MICAL3: variants seen among roughly 807,000 people sequenced by gnomAD.
MICAL3 encodes microtubule associated monooxygenase, calponin and LIM domain containing 3.
Under a neutral mutation model 207.4 loss-of-function variants are expected in MICAL3, and 62 were observed. The ratio of observed to expected loss-of-function variants is 0.30; its 90% CI spans 0.24 to 0.37. MICAL3 has a LOEUF of 0.37. MICAL3 is among the 10% of genes least tolerant of loss of function. The probability of loss-of-function intolerance (pLI) is 1.00; values close to 1 mark genes in which losing one functional copy is unlikely to be tolerated. For missense variants in MICAL3, 2,368 were observed against 2,635.6 expected (o/e 0.90, Z 2.22); for synonymous variants, 1,077 against 1,069.3 (o/e 1.01, Z -0.14).
At chr22:17,884,437 G>A (rs1844959797) in intron 16 of MICAL3, 2 of 1,038,452 alleles carry the variant, frequency 1.9e-6, no homozygotes, top group East Asian at 5.9e-5. Context: ...GGTGGGAGAA[G>A]AACAGAAAGA....
At position 17,916,307 on chromosome 22, in the gene MICAL3, C is replaced by A. The variant is rs73388423; in HGVS notation, c.-74-9421G>T. Among the ~76,000 whole-genome samples the A allele has an allele frequency of 8.2e-3, 1,253 of 152,186 alleles. 15 individuals are homozygous for A. Among genetic ancestry groups the A allele is most frequent in the African/African-American group, 0.029 (1,209 of 41,512 alleles). On this transcript the variant is annotated intron_variant, in intron 1 of 31. Coordinates refer to ENST00000441493, the MANE Select transcript of MICAL3 (RefSeq NM_015241.3). ...GCTTCTGATCCTGTCCCCGTTCTTA[C>A]TCAAGCATGCTGCCTCCCACACTGG... is the stretch of plus-strand genomic sequence containing the variant.
intron 1 of MICAL3, among the ~76,000 whole-genome samples, chr22:17,917,525 T>C (rs1932607228): frequency 1.3e-5 from 2 of 152,316 alleles, no homozygotes; most frequent in Admixed American, 6.5e-5. Flanking sequence ...CACTTGCTCA[T>C]TGCATGAGCC....
chr22:17,930,788 C>G (rs1297470458), intron 1 of MICAL3, among the ~76,000 whole-genome samples: 2 of 152,230 alleles, frequency 1.3e-5, no homozygotes, highest in Admixed American at 1.3e-4. Context: ...GGAAGGTGAA[C>G]TGAAGCAGTG....
intron 1 of MICAL3, among the ~76,000 whole-genome samples, chr22:17,978,665 G>C (rs9605470): frequency 0.27 from 40,750 of 151,340 alleles, 5,934 homozygotes; most frequent in African/African-American, 0.37. Flanking sequence ...ATTACAGGCA[G>C]CTACCACCAC....
intron 19 of MICAL3, among the ~76,000 whole-genome samples, chr22:17,844,601 T>C (rs1009810686): frequency 2.6e-5 from 4 of 152,224 alleles, no homozygotes; most frequent in Admixed American, 2.0e-4. Context: ...TCCAGTGGCG[T>C]ATTCACATAC....
chr22:17,881,155 G>T, intron 16 of MICAL3: 2 of 1,472,636 alleles, frequency 1.4e-6, no homozygotes, highest in South Asian at 1.1e-5. Context: ...CACCTACACA[G>T]ACAGGCAGGC....
At chr22:17,966,058 G>A (rs559686397) in intron 1 of MICAL3, among the ~76,000 whole-genome samples, 14 of 152,326 alleles carry the variant, frequency 9.2e-5, no homozygotes, top group South Asian at 2.1e-4. Flanking sequence ...GAGAGGAGTC[G>A]GAGGTAACTC....
In MICAL3 at chr22:17,849,681, TG is replaced by T. The variant is rs1214131032; in HGVS notation, c.2606-7665del. On this transcript the variant is annotated intron_variant, in intron 19 of 31. Transcript: ENST00000441493. ...GTGTGTGTGTGTGTGTGTGTGTGTG[TG>T]TGTGTATTTTTTTTTTTTTTTTTTT... 8.0e-4 allele frequency among the ~76,000 whole-genome samples: 104 copies of T among 130,464 alleles called. 2 individuals are homozygous for T. Among genetic ancestry groups the T allele is most frequent in the Non-Finnish European group, 1.5e-3 (91 of 61,058 alleles). The allele number at this position is 130,464 out of a possible 152,430, so 85.6% of individuals were successfully genotyped here. A position where few individuals can be genotyped will look rare whatever the true frequency, so the allele number is the denominator to read the frequency against.
At chr22:17,810,659 A>G in intron 28 of MICAL3, 44 bp downstream of exon 28, 3 of 1,488,942 alleles carry the variant, frequency 2.0e-6, no homozygotes, top group Non-Finnish European at 2.8e-6. Flanking sequence ...ATGCTGCCCA[A>G]CCCTCCCATG....
intron 1 of MICAL3, among the ~76,000 whole-genome samples, chr22:17,943,515 T>A (rs1602261864): frequency 6.6e-6 from 1 of 152,074 alleles, no homozygotes. Flanking sequence ...AGGCAAAATA[T>A]CTCCAGTGAA....
At chr22:17,809,948 G>A (rs1335789385) in intron 28 of MICAL3, among the ~76,000 whole-genome samples, 1 of 151,790 alleles carries the variant, frequency 6.6e-6, no homozygotes, top group African/African-American at 2.4e-5. Context: ...GAGTGCAATG[G>A]TGCAATCTAG....
At chr22:17,872,641 C>A (rs745542467) in intron 16 of MICAL3, 39 of 722,252 alleles carry the variant, frequency 5.4e-5, no homozygotes, top group Non-Finnish European at 9.2e-5. Context: ...AAGCAATTAC[C>A]GCATAGCATA....
Position 17,985,206 on chromosome 22 carries a change from G to A in MICAL3, c.-75+39075C>T, listed in dbSNP as rs557077597. 1.2e-4 allele frequency among the ~76,000 whole-genome samples: 18 copies of A among 152,244 alleles called. No homozygotes were observed. In the South Asian group the frequency reaches 3.3e-3, roughly 28 times the overall value. On this transcript the variant is annotated intron_variant, in intron 1 of 31. Transcript: ENST00000441493. The stretch of plus-strand genomic sequence containing the variant: ...TGAGGCAGGGTGTGCCTGGAGCACG[G>A]GAGGAAGGTCCGGCCAGGGAGGGGA...
rs532173895 is a variant in MICAL3 at position 17,809,881 on chromosome 22, C to CT, written c.5556+821dup. Among the ~76,000 whole-genome samples, 89 of 146,596 alleles carry CT rather than the reference C, an allele frequency of 6.1e-4. No homozygotes were observed. The Middle Eastern group carries it at 0.011, about 17-fold the overall frequency. ...CGGGAAACTCAATGCAGGGTTCTTC[C>CT]TTTTTTTTTTTATTTTTATTTTTAT... On this transcript the variant is annotated intron_variant, in intron 28 of 31. Coordinates refer to ENST00000441493, the MANE Select transcript of MICAL3 (RefSeq NM_015241.3).
At chr22:17,896,449 C>T (rs1012125762) in intron 8 of MICAL3, 88 bp from the exon 9 acceptor site, 3 of 884,536 alleles carry the variant, frequency 3.4e-6, no homozygotes, top group South Asian at 1.5e-5. Flanking sequence ...AGTTTGCTGT[C>T]GACAGTAGTG....
Position 17,831,702 on chromosome 22 carries a change from G to GC in MICAL3, c.3055+151dup, listed in dbSNP as rs543827842. 5.1e-3 allele frequency among the ~76,000 whole-genome samples: 777 copies of GC among 152,222 alleles called. 9 individuals are homozygous for GC. Among genetic ancestry groups the GC allele is most frequent in the African/African-American group, 0.018 (749 of 41,530 alleles). On this transcript the variant is annotated intron_variant, in intron 21 of 31. Transcript: ENST00000441493. The stretch of plus-strand genomic sequence containing the variant: ...TCAACGCTACGGTGTCCTCCCCTCT[G>GC]CCCCCCATGTCTTATGTCAGGAGGG...
chr22:17,859,215 C>G (rs1200545472), intron 19 of MICAL3, among the ~76,000 whole-genome samples: 3 of 152,156 alleles, frequency 2.0e-5, no homozygotes, highest in African/African-American at 7.2e-5. Context: ...GTCGAGAATG[C>G]CAAGCAGACC....
chr22:18,015,781 C>T lies in MICAL3; in HGVS notation c.-75+8500G>A, dbSNP rs574880462. On this transcript the variant is annotated intron_variant, in intron 1 of 31. Transcript: ENST00000441493. ...CATGATGTGCTTGCTATGTTCTATT[C>T]GCTATTGTTCCTTTTATCAAAAGTA... Among the ~76,000 whole-genome samples, 303 of 152,186 alleles carry T rather than the reference C, an allele frequency of 2.0e-3. 2 individuals carry two copies. Among genetic ancestry groups the T allele is most frequent in the African/African-American group, 7.1e-3 (293 of 41,514 alleles).
chr22:17,877,374 G>GTTA (rs1928823857), intron 16 of MICAL3, among the ~76,000 whole-genome samples: 1 of 112,590 alleles, frequency 8.9e-6, no homozygotes, highest in African/African-American at 4.6e-5. Flanking sequence ...GGTTAGGGAG[G>GTTA]TGAGGGAGGT....
Sources: gnomAD v4.1 joint callset for allele counts (sites outside exome capture counted in the v4.1 genomes callset) on GRCh38, gnomAD v4.1.1 for gene constraint, MANE v1.5 for transcripts, NCBI Gene and HGNC (gene_info 2026-07-23, HGNC 2026-07-21) for gene names.